Variants in TRRAP observed in about 807,000 individuals in gnomAD.
The protein encoded by TRRAP is transformation/transcription domain-associated protein.
A neutral mutation model predicts 438.8 loss-of-function variants in TRRAP; 41 were observed. The observed-to-expected ratio is 0.09, with a 90% CI of 0.07 to 0.12. The LOEUF is 0.12. Ranked by LOEUF, TRRAP falls within the 10% of genes least tolerant of loss-of-function variation. The pLI, the probability that TRRAP is intolerant of heterozygous loss-of-function variation, is 1.00. For synonymous variants in TRRAP, 1,994 were observed against 1,962.9 expected (o/e 1.02, Z -0.42); for missense variants, 3,122 against 5,055.1 (o/e 0.62, Z 11.60).
chr7:98,899,864 A>G (rs1796395249), intron 10 of TRRAP, 97 bp downstream of exon 10: 17 of 1,385,250 alleles, frequency 1.2e-5, no homozygotes, highest in Non-Finnish European at 1.6e-5. Flanking sequence ...TATGAGTGAT[A>G]AAATTTTGGT....
chr7:99,002,499 T>C (rs867424572), intron 67 of TRRAP, among the ~76,000 whole-genome samples: 1 of 152,208 alleles, frequency 6.6e-6, no homozygotes, highest in Non-Finnish European at 1.5e-5. Context: ...AGATCAGGCA[T>C]GAGCTTGGCA....
intron 67 of TRRAP, among the ~76,000 whole-genome samples, chr7:98,996,433 C>G (rs1319362701): frequency 6.6e-6 from 1 of 152,240 alleles, no homozygotes; most frequent in African/African-American, 2.4e-5. Context: ...GCCTGAGTAA[C>G]TTCCCCAAGC....
chr7:98,900,809 G>A (rs1451111597), intron 11 of TRRAP, 89 bp downstream of exon 11: 6 of 1,057,598 alleles, frequency 5.7e-6, no homozygotes, highest in Non-Finnish European at 8.3e-6. Flanking sequence ...TCTAGGAATT[G>A]ACAAATATTG....
At chr7:99,001,682 T>C (rs1406611930) in intron 67 of TRRAP, among the ~76,000 whole-genome samples, 3 of 152,122 alleles carry the variant, frequency 2.0e-5, no homozygotes, top group African/African-American at 7.2e-5. Context: ...GCTGTTTCTG[T>C]CTCTTTGTCT....
chr7:98,896,470 C>T (rs1309518457), intron 7 of TRRAP, among the ~76,000 whole-genome samples: 1 of 151,974 alleles, frequency 6.6e-6, no homozygotes, highest in African/African-American at 2.4e-5. Flanking sequence ...AGTATAGTGG[C>T]GTGATCTCTG....
chr7:98,979,294 C>T (rs961906547), intron 58 of TRRAP, among the ~76,000 whole-genome samples: 5 of 152,298 alleles, frequency 3.3e-5, no homozygotes, highest in East Asian at 1.9e-4. Context: ...CCAAAATCCA[C>T]GGACACTCAA....
intron 60 of TRRAP, among the ~76,000 whole-genome samples, chr7:98,983,679 C>T (rs565885154): frequency 6.6e-6 from 1 of 152,060 alleles, no homozygotes; most frequent in Non-Finnish European, 1.5e-5. Context: ...GTACCTGTTA[C>T]ATTTTTCTAG....
At position 98,915,826 on chromosome 7, in the gene TRRAP, G is replaced by T. The variant is rs781896229; in HGVS notation, c.2303G>T (p.Gly768Val). The T allele has an allele frequency of 6.2e-7, 1 of 1,614,222 alleles. No homozygotes were observed. ...LLLRALFRSI[G>V]GGSHDLLYQE... ...CTACGGGCGCTGTTTCGCTCTATTG[G>T]TGGAGGTAGCCACGATCTCTTGTAT... Residue 768 changes from glycine (G) to valine (V), a missense_variant, in exon 19 of 73, where the codon GGT becomes GTT. Around this residue, in one of 24 missense-constraint regions of TRRAP, gnomAD observed 149 missense variants for 302.8 expected, o/e 0.49. Transcript: ENST00000456197.
At position 98,950,197 on chromosome 7, in the gene TRRAP, C is replaced by A; in HGVS notation, c.5269C>A (p.Arg1757Ser). 1 of 1,614,148 alleles carries A rather than the reference C, an allele frequency of 6.2e-7. No homozygotes were observed. Among genetic ancestry groups the A allele is most frequent in the Non-Finnish European group, 8.5e-7 (1 of 1,180,014 alleles). Reference sequence around the variant, plus strand: ...CAAAAATTACAGCATCGCTCAGAAACGTGCCCTGTTCTTTCGCTTTGTAGA... The same window carrying A: ...CAAAAATTACAGCATCGCTCAGAAAAGTGCCCTGTTCTTTCGCTTTGTAGA... ...IPKNYSIAQK[R>S]ALFFRFVDFN... is the part of the protein sequence containing the mutation. The change falls in exon 38 of 73, where the codon CGT becomes AGT. Residue 1757 changes from arginine (R) to serine (S), a missense_variant. This residue lies in a region of TRRAP where 272 missense variants were observed against 348.5 expected (regional missense o/e 0.78). Transcript: ENST00000456197.
chr7:98,970,783 A>T (rs751578990), intron 52 of TRRAP, among the ~76,000 whole-genome samples: 52 of 152,272 alleles, frequency 3.4e-4, no homozygotes, highest in Non-Finnish European at 6.8e-4. Flanking sequence ...GCTGCCTGCC[A>T]CACAGGGGCT....
At chr7:98,987,160 G>T (rs1793189236) in intron 62 of TRRAP, among the ~76,000 whole-genome samples, 1 of 152,082 alleles carries the variant, frequency 6.6e-6, no homozygotes. Flanking sequence ...CATTTTTTGT[G>T]GGCTTATTTC....
Position 98,961,273 on chromosome 7 carries a change from C to G in TRRAP, c.6502C>G (p.Gln2168Glu). The change falls in exon 46 of 73, where the codon CAA (glutamine) becomes GAA (glutamate). Residue 2168 changes from glutamine (Q) to glutamate (E), a missense_variant. By Grantham distance (29) the Gln-to-Glu change is conservative (BLOSUM62 2). Transcript: ENST00000456197. ...KLLMTVEQPNQVNYGNICTGL... is the reference protein window; with the variant it reads ...KLLMTVEQPNEVNYGNICTGL... ...TTGTCCATTGCAGGAGCAGCCAAAC[C>G]AAGTGAACTATGGGAATATCTGCAC... 1 of 1,614,092 alleles carries G rather than the reference C, an allele frequency of 6.2e-7. No homozygotes were observed. Among genetic ancestry groups the G allele is most frequent in the Non-Finnish European group, 8.5e-7 (1 of 1,179,984 alleles).
intron 53 of TRRAP, among the ~76,000 whole-genome samples, chr7:98,975,640 C>T (rs894394620): frequency 6.6e-6 from 1 of 152,328 alleles, no homozygotes; most frequent in East Asian, 1.9e-4. Context: ...TGTTTCAGTC[C>T]GTCTCGGTCA....
Position 98,976,730 on chromosome 7 carries a change from C to T in TRRAP, c.8207C>T (p.Thr2736Met), listed in dbSNP as rs775054593. 2.4e-5 allele frequency: 38 copies of T among 1,613,858 alleles called. 1 individual carries two copies. The highest frequency in any genetic ancestry group is 1.1e-4 in the African/African-American group (8 of 74,918). ...CTTCAGATTAAGCCGAAGCAAACAA[C>T]GGAGTTTTATGAGCAGGAGAGCATC... Reference protein sequence around the residue: ...LSLQIKPKQTTEFYEQESITP... With the variant: ...LSLQIKPKQTMEFYEQESITP... Residue 2736 changes from threonine to methionine, a missense_variant, in exon 55 of 73, where the codon ACG becomes ATG. Physicochemically the swap from Thr to Met is moderately conservative, Grantham distance 81 (BLOSUM62 -1). Coordinates refer to ENST00000456197, the MANE Select transcript of TRRAP (RefSeq NM_001375524.1). The surrounding 1 kb of genome is among the most constrained non-coding windows in gnomAD (Gnocchi z 4.6).
intron 30 of TRRAP, among the ~76,000 whole-genome samples, chr7:98,942,139 A>T (rs1243949825): frequency 6.6e-6 from 1 of 152,218 alleles, no homozygotes; most frequent in Non-Finnish European, 1.5e-5. Flanking sequence ...CCTGGCTACC[A>T]GGTGCCTGGG....
chr7:98,936,711 G>A (rs781844303), intron 28 of TRRAP, among the ~76,000 whole-genome samples: 9 of 152,118 alleles, frequency 5.9e-5, no homozygotes, highest in Non-Finnish European at 1.2e-4. Flanking sequence ...AGGTGTCCTG[G>A]GATAGGGGTG....
At chr7:98,902,116 A>G (rs1796498107) in intron 11 of TRRAP, among the ~76,000 whole-genome samples, 1 of 152,156 alleles carries the variant, frequency 6.6e-6, no homozygotes, top group African/African-American at 2.4e-5. Flanking sequence ...TTACATGCAG[A>G]TTTTTGTATG....
intron 52 of TRRAP, 103 bp from the exon 53 acceptor site, chr7:98,971,696 C>T (rs1193204257): frequency 2.6e-5 from 37 of 1,447,350 alleles, no homozygotes; most frequent in Middle Eastern, 1.8e-4. Context: ...GAAACGAACA[C>T]GAATTTTACC....
At chr7:98,893,508 A>G (rs1796066716) in intron 5 of TRRAP, among the ~76,000 whole-genome samples, 1 of 152,224 alleles carries the variant, frequency 6.6e-6, no homozygotes. Context: ...AATATTGTCC[A>G]ACAATGGAAA....
Sources: gnomAD v4.1 joint callset for allele counts (sites outside exome capture counted in the v4.1 genomes callset) on GRCh38, gnomAD v4.1.1 for gene constraint, gnomAD v4.1.1 regional missense constraint, Gnocchi (gnomAD v3.1) non-coding constraint, MANE v1.5 for transcripts, NCBI Gene and HGNC (gene_info 2026-07-23, HGNC 2026-07-21) for gene names.